NPSR1: variants seen among roughly 807,000 people sequenced by gnomAD.
NPSR1 encodes neuropeptide S receptor.
A neutral mutation model predicts 46.9 loss-of-function variants in NPSR1; 48 were observed. The observed-to-expected ratio is 1.02, with a 90% CI of 0.81 to 1.30. The LOEUF is 1.30. Ranked by LOEUF, NPSR1 falls within the 50% of genes most tolerant of loss-of-function variation. The pLI, the probability that NPSR1 is intolerant of heterozygous loss-of-function variation, is 0.00. For synonymous variants in NPSR1, 176 were observed against 168.1 expected (o/e 1.05, Z -0.36); for missense variants, 450 against 449.5 (o/e 1.00, Z -0.01).
intron 8 of NPSR1, among the ~76,000 whole-genome samples, chr7:34,863,666 C>G (rs1380263098): frequency 2.0e-5 from 3 of 151,728 alleles, no homozygotes; most frequent in African/African-American, 7.3e-5. Context: ...CAAATCAAAA[C>G]CAAAATGAGA....
intron 3 of NPSR1, 118 bp downstream of exon 3, chr7:34,778,683 C>T (rs1184179583): frequency 3.3e-6 from 2 of 607,076 alleles, no homozygotes; most frequent in South Asian, 4.4e-5. Flanking sequence ...CCCGCTTTCT[C>T]CTGGGTAGAA....
intron 8 of NPSR1, among the ~76,000 whole-genome samples, chr7:34,877,103 A>G (rs1791594746): frequency 6.6e-6 from 1 of 152,200 alleles, no homozygotes; most frequent in African/African-American, 2.4e-5. Context: ...ATGAACCACA[A>G]GATGGGGCCA....
chr7:34,821,965 G>C (rs759900029), intron 4 of NPSR1, among the ~76,000 whole-genome samples: 12 of 152,150 alleles, frequency 7.9e-5, no homozygotes, highest in Non-Finnish European at 1.0e-4. Flanking sequence ...AAAACAGGGG[G>C]AGACCTGCAT....
At chr7:34,715,911 G>C (rs1783537396) in intron 2 of NPSR1, among the ~76,000 whole-genome samples, 1 of 152,166 alleles carries the variant, frequency 6.6e-6, no homozygotes, top group Non-Finnish European at 1.5e-5. Context: ...GTAGTTAGCA[G>C]ATGGAGTTCT....
chr7:34,699,921 A>G (rs1185151359), intron 2 of NPSR1, among the ~76,000 whole-genome samples: 1 of 152,204 alleles, frequency 6.6e-6, no homozygotes, highest in Non-Finnish European at 1.5e-5. Flanking sequence ...TAAGAAGTTC[A>G]GGCTTTGCTT....
intron 5 of NPSR1, among the ~76,000 whole-genome samples, chr7:34,831,720 GC>G (rs1432846849): frequency 6.6e-6 from 1 of 152,118 alleles, no homozygotes; most frequent in African/African-American, 2.4e-5. Context: ...GAGGTTATTA[GC>G]CCTGGTGTAA....
At chr7:34,819,616 G>T (rs150800168) in intron 4 of NPSR1, among the ~76,000 whole-genome samples, 2 of 152,132 alleles carry the variant, frequency 1.3e-5, no homozygotes, top group African/African-American at 4.8e-5. Flanking sequence ...ACATGCACAC[G>T]TATGTTTATT....
chr7:34,685,695 A>T, intron 2 of NPSR1: 2 of 426,976 alleles, frequency 4.7e-6, no homozygotes, highest in South Asian at 3.3e-5. Flanking sequence ...CTTACAAGAG[A>T]ATCTTAGCCA....
At chr7:34,667,116 A>G (rs1411328863) in intron 1 of NPSR1, among the ~76,000 whole-genome samples, 2 of 152,242 alleles carry the variant, frequency 1.3e-5, no homozygotes, top group Non-Finnish European at 2.9e-5. Context: ...TCCAAAAAGC[A>G]TAAGGAATCA....
At chr7:34,705,787 A>G (rs1794075725) in intron 2 of NPSR1, among the ~76,000 whole-genome samples, 2 of 152,014 alleles carry the variant, frequency 1.3e-5, no homozygotes, top group South Asian at 4.1e-4. Context: ...TTTGGCATTT[A>G]TCTTCTTCAT....
At chr7:34,866,287 T>C (rs528985917) in intron 8 of NPSR1, among the ~76,000 whole-genome samples, 1 of 151,706 alleles carries the variant, frequency 6.6e-6, no homozygotes, top group East Asian at 1.9e-4. Context: ...TCAAATGAGA[T>C]AAGTCACAAT....
rs1434551825 is a variant in NPSR1 at position 34,780,601 on chromosome 7, T to C, written c.384+2036T>C. Among the ~76,000 whole-genome samples, 4 of 152,162 alleles carry C rather than the reference T, an allele frequency of 2.6e-5. 1 individual carries two copies. Among genetic ancestry groups the C allele is most frequent in the African/African-American group, 9.6e-5 (4 of 41,462 alleles). On this transcript the variant is annotated intron_variant, in intron 3 of 8. Coordinates refer to ENST00000360581, the MANE Select transcript of NPSR1 (RefSeq NM_207172.2). Reference sequence around the variant, plus strand: ...ATTCAGGAAAATGGCTGAATCTCAGTGAGAAAAATGAGCTTTGCGGTGCTT... The same window carrying C: ...ATTCAGGAAAATGGCTGAATCTCAGCGAGAAAAATGAGCTTTGCGGTGCTT...
At chr7:34,666,990 T>C (rs185730913) in intron 1 of NPSR1, among the ~76,000 whole-genome samples, 3 of 152,374 alleles carry the variant, frequency 2.0e-5, no homozygotes, top group East Asian at 3.9e-4. Flanking sequence ...GCCATTCACT[T>C]ATGTAATTTT....
chr7:34,807,756 T>C (rs1347528638), intron 3 of NPSR1, among the ~76,000 whole-genome samples: 2 of 152,092 alleles, frequency 1.3e-5, no homozygotes, highest in African/African-American at 4.8e-5. Context: ...AGTGTTTTGG[T>C]TTGGTGTAAT....
chr7:34,841,067 CT>C (rs1790546536), intron 6 of NPSR1, among the ~76,000 whole-genome samples: 1 of 152,124 alleles, frequency 6.6e-6, no homozygotes, highest in Non-Finnish European at 1.5e-5. Context: ...GGAAAAACTG[CT>C]AAAAATAATG....
At chr7:34,770,310 C>T (rs1388215947) in intron 2 of NPSR1, among the ~76,000 whole-genome samples, 1 of 152,144 alleles carries the variant, frequency 6.6e-6, no homozygotes, top group Non-Finnish European at 1.5e-5. Flanking sequence ...CAACTCACAG[C>T]TCTCAATGAC....
intron 2 of NPSR1, among the ~76,000 whole-genome samples, chr7:34,743,529 C>T (rs1429994103): frequency 1.3e-5 from 2 of 151,946 alleles, no homozygotes; most frequent in Non-Finnish European, 2.9e-5. Flanking sequence ...CAACCTCCGC[C>T]TCCTGGGTTC....
chr7:34,840,899 C>T (rs925722626), intron 6 of NPSR1, among the ~76,000 whole-genome samples: 7 of 152,088 alleles, frequency 4.6e-5, no homozygotes, highest in African/African-American at 1.4e-4. Context: ...GACAAAGACA[C>T]CCTGGGAAGA....
chr7:34,817,855 A>G (rs1258902006), intron 4 of NPSR1, among the ~76,000 whole-genome samples: 1 of 152,224 alleles, frequency 6.6e-6, no homozygotes, highest in Admixed American at 6.5e-5. Flanking sequence ...AAGGCCTTCA[A>G]CAAAATCCAA....
Sources: gnomAD v4.1 joint callset for allele counts (sites outside exome capture counted in the v4.1 genomes callset) on GRCh38, gnomAD v4.1.1 for gene constraint, MANE v1.5 for transcripts, NCBI Gene and HGNC (gene_info 2026-07-23, HGNC 2026-07-21) for gene names.